The following EPM2A variants were observed in gnomAD, a reference collection of about 807,000 sequenced individuals.
EPM2A encodes the protein laforin.
In EPM2A, 21 loss-of-function variants were observed where a neutral mutation model predicts 26.5. The ratio of observed to expected loss-of-function variants is 0.79; its 90% CI spans 0.56 to 1.14. The LOEUF is 1.14. Among genes scored for constraint, EPM2A ranks in the 50% most tolerant of loss-of-function variants. The pLI, the probability that EPM2A is intolerant of heterozygous loss-of-function variation, is 0.00. For missense variants in EPM2A, 458 were observed against 440.8 expected (o/e 1.04, Z -0.35); for synonymous variants, 217 against 177.6 (o/e 1.22, Z -1.76).
At position 145,492,745 on chromosome 6, in the gene EPM2A, T is replaced by C. The variant is rs117994374; in HGVS notation, c.555+9777A>G. 2.0e-3 allele frequency among the ~76,000 whole-genome samples: 301 copies of C among 152,280 alleles called. 5 individuals are homozygous for C. In the East Asian group the frequency reaches 0.042, roughly 21 times the overall value. ...TAGCTGTCAAGCCATCCCTCTGAAGTCAAGCCGCTTCTCTCTGATGTCAAA... is the reference window on the plus strand; with the variant it reads ...TAGCTGTCAAGCCATCCCTCTGAAGCCAAGCCGCTTCTCTCTGATGTCAAA... On this transcript the variant is annotated intron_variant, in intron 4 of 4. Coordinates refer to the EPM2A transcript ENST00000638717.
chr6:145,527,667 T>C (rs1258882899), intron 2 of EPM2A, among the ~76,000 whole-genome samples: 1 of 152,110 alleles, frequency 6.6e-6, no homozygotes, highest in Non-Finnish European at 1.5e-5. Context: ...TGGGTGTCAT[T>C]ACTTATAACA....
chr6:145,725,782 C>A (rs1436243695), intron 1 of EPM2A, among the ~76,000 whole-genome samples: 2 of 151,832 alleles, frequency 1.3e-5, no homozygotes, highest in South Asian at 2.1e-4. Flanking sequence ...GTTGAATAGA[C>A]AAAAGACAGA....
At chr6:145,406,525 A>C (rs964822793) in intron 4 of EPM2A, among the ~76,000 whole-genome samples, 2 of 152,176 alleles carry the variant, frequency 1.3e-5, no homozygotes, top group African/African-American at 4.8e-5. Context: ...GGATGTATAT[A>C]CATACATTAT....
intron 2 of EPM2A, among the ~76,000 whole-genome samples, chr6:145,678,107 G>C (rs1375748935): frequency 9.2e-5 from 14 of 152,186 alleles, no homozygotes; most frequent in Admixed American, 8.5e-4. Context: ...CACAACAGAG[G>C]CCTCAGAAAT....
chr6:145,712,220 T>C (rs1322656048), intron 1 of EPM2A, among the ~76,000 whole-genome samples: 1 of 152,100 alleles, frequency 6.6e-6, no homozygotes, highest in Non-Finnish European at 1.5e-5. Context: ...CAACAGACCA[T>C]CCACATCAAT....
chr6:145,730,020 A>C (rs1332759554), intron 1 of EPM2A, among the ~76,000 whole-genome samples: 1 of 151,950 alleles, frequency 6.6e-6, no homozygotes, highest in Non-Finnish European at 1.5e-5. Flanking sequence ...GCACTTCCCC[A>C]TCTTTCTCTC....
intron 2 of EPM2A, among the ~76,000 whole-genome samples, chr6:145,582,813 T>G (rs1211365276): frequency 6.6e-6 from 1 of 152,214 alleles, no homozygotes; most frequent in Non-Finnish European, 1.5e-5. Flanking sequence ...TTTGGTCTGT[T>G]TACATAATCT....
intron 2 of EPM2A, among the ~76,000 whole-genome samples, chr6:145,573,507 G>A (rs1006587149): frequency 6.6e-6 from 1 of 152,216 alleles, no homozygotes; most frequent in African/African-American, 2.4e-5. Context: ...TCTGTTTTCT[G>A]CACAGGCCAA....
intron 2 of EPM2A, among the ~76,000 whole-genome samples, chr6:145,507,018 T>C (rs1394391219): frequency 1.3e-5 from 2 of 152,158 alleles, no homozygotes; most frequent in African/African-American, 2.4e-5. Flanking sequence ...ACAGACATTT[T>C]CCACCTCCAA....
At position 145,578,262 on chromosome 6, in the gene EPM2A, T is replaced by A. The variant is rs555687951; in HGVS notation, c.340+56983A>T. On this transcript the variant is annotated intron_variant, in intron 2 of 3. Coordinates refer to the EPM2A transcript ENST00000450221. Reference sequence around the variant, plus strand: ...AAGTTTAATGGAATTACAAGTTTTTTTGAAAAGATAAACAAAATTAGCAAA... The same window carrying A: ...AAGTTTAATGGAATTACAAGTTTTTATGAAAAGATAAACAAAATTAGCAAA... 3.9e-5 allele frequency among the ~76,000 whole-genome samples: 6 copies of A among 152,232 alleles called. No individual in the cohort carries two copies. The South Asian group carries it at 1.2e-3, about 32-fold the overall frequency.
rs568830569 is a variant in EPM2A, at chr6:145,399,004, G to A, written c.556-14907C>T. 7.2e-5 allele frequency among the ~76,000 whole-genome samples: 11 copies of A among 151,974 alleles called. No homozygotes were observed. The South Asian group carries it at 1.0e-3, about 14-fold the overall frequency. On this transcript the variant is annotated intron_variant, in intron 4 of 4. Transcript: ENST00000638717. ...CCACCCCCTTTTTAATCTATCCCAT[G>A]TTATTAATGTTAGAAAATCACTGTA...
intron 4 of EPM2A, among the ~76,000 whole-genome samples, chr6:145,473,994 G>T (rs1779508927): frequency 6.6e-6 from 1 of 152,098 alleles, no homozygotes; most frequent in African/African-American, 2.4e-5. Flanking sequence ...AATGGTAGTA[G>T]TAAGTACACA....
Position 145,394,589 on chromosome 6 carries a change from C to T in EPM2A, c.556-10492G>A, listed in dbSNP as rs188317320. On this transcript the variant is annotated intron_variant, in intron 4 of 4. Coordinates refer to the EPM2A transcript ENST00000638717. ...CTTGTAACACACCCGTATTACCTGTCTGGAAACCAAACTGAAAGTGATGGA... is the reference window on the plus strand; with the variant it reads ...CTTGTAACACACCCGTATTACCTGTTTGGAAACCAAACTGAAAGTGATGGA... Among the ~76,000 whole-genome samples, 1,055 of 152,212 alleles carry T rather than the reference C, an allele frequency of 6.9e-3. 5 individuals carry two copies. Among genetic ancestry groups the T allele is most frequent in the Non-Finnish European group, 9.7e-3 (659 of 68,018 alleles).
chr6:145,688,656 T>G (rs1419635809), intron 1 of EPM2A, among the ~76,000 whole-genome samples: 1 of 152,026 alleles, frequency 6.6e-6, no homozygotes, highest in South Asian at 2.1e-4. Flanking sequence ...AATAGGAACA[T>G]AGATGAGTCA....
chr6:145,733,869 CATATAAACTTCT>C (rs1776647666), intron 1 of EPM2A, among the ~76,000 whole-genome samples: 1 of 150,474 alleles, frequency 6.6e-6, no homozygotes, highest in South Asian at 2.1e-4. Context: ...TTTTTTTTTT[CATATAAACTTCT>C]AAAGAGACAT....
At chr6:145,519,905 A>G (rs2114772496) in intron 2 of EPM2A, among the ~76,000 whole-genome samples, 1 of 152,306 alleles carries the variant, frequency 6.6e-6, no homozygotes, top group Non-Finnish European at 1.5e-5. Context: ...AATTTAGTAA[A>G]TTGCAGAGGA....
At chr6:145,602,578 C>T (rs1781429784) in intron 2 of EPM2A, among the ~76,000 whole-genome samples, 1 of 152,156 alleles carries the variant, frequency 6.6e-6, no homozygotes, top group African/African-American at 2.4e-5. Flanking sequence ...GTACTCAGTA[C>T]CATGGGCAAC....
chr6:145,407,874 C>G (rs1778591020), intron 4 of EPM2A, among the ~76,000 whole-genome samples: 1 of 152,202 alleles, frequency 6.6e-6, no homozygotes, highest in African/African-American at 2.4e-5. Flanking sequence ...GATGATTTTT[C>G]AATATCCTCT....
intron 2 of EPM2A, among the ~76,000 whole-genome samples, chr6:145,505,880 T>C (rs429306): frequency 0.45 from 68,470 of 152,056 alleles, 15,452 homozygotes; most frequent in South Asian, 0.58. Context: ...GCCACTTTGC[T>C]TTTAAACATT....
Sources: gnomAD v4.1 joint callset for allele counts (sites outside exome capture counted in the v4.1 genomes callset) on GRCh38, gnomAD v4.1.1 for gene constraint, MANE v1.5 for transcripts, NCBI Gene and HGNC (gene_info 2026-07-23, HGNC 2026-07-21) for gene names.